The following ASPM variants were observed in gnomAD, a reference collection of about 807,000 sequenced individuals.
The protein encoded by ASPM is abnormal spindle-like microcephaly-associated protein.
ASPM carries 256 observed loss-of-function variants against 366.4 expected under a neutral mutation model. The ratio of observed to expected loss-of-function variants is 0.70; its 90% CI spans 0.63 to 0.77. ASPM has a LOEUF of 0.77. Ranked by LOEUF, ASPM falls within the 30% of genes least tolerant of loss-of-function variation. The probability of loss-of-function intolerance (pLI) is 0.00; values close to 1 mark genes in which losing one functional copy is unlikely to be tolerated. For missense variants in ASPM, 4,146 were observed against 4,090.4 expected (o/e 1.01, Z -0.37); for synonymous variants, 1,414 against 1,342.9 (o/e 1.05, Z -1.16).
chr1:197,139,001 C>T (rs751343219), intron 4 of ASPM: 6 of 723,756 alleles, frequency 8.3e-6, no homozygotes, highest in Non-Finnish European at 1.5e-5. Flanking sequence ...TGACATTGAT[C>T]ATAGCACTCT....
At chr1:197,112,504 C>A (rs773609713) in intron 17 of ASPM, among the ~76,000 whole-genome samples, 2 of 152,020 alleles carry the variant, frequency 1.3e-5, no homozygotes, top group Non-Finnish European at 2.9e-5. Flanking sequence ...TATATTGGGC[C>A]CCCCAAATCA....
At chr1:197,131,441 T>C (rs993568775) in intron 7 of ASPM, among the ~76,000 whole-genome samples, 21 of 152,248 alleles carry the variant, frequency 1.4e-4, no homozygotes, top group African/African-American at 5.1e-4. Context: ...TTCTAGGTAT[T>C]ACAGAGCCAA....
rs1658036732 is a variant in ASPM at position 197,124,905 on chromosome 1, G to C, written c.3133C>G (p.Leu1045Val). ...AACGCTATTTTCCAAAGCAACCTGA[G>C]AGTTTTTTCTCTGTGCCTATCCACA... ...DIVDRHREKTLRLLWKIAFAF... is the reference protein window; with the variant it reads ...DIVDRHREKTVRLLWKIAFAF... The change falls in exon 12 of 28, where the codon CTC becomes GTC. Residue 1045 changes from leucine (L) to valine (V), a missense_variant. Leu to Val is a conservative substitution (Grantham distance 32, BLOSUM62 1). Transcript: ENST00000367409. 2 of 1,611,232 alleles carry C rather than the reference G, an allele frequency of 1.2e-6. No individual in the cohort carries two copies. The highest frequency in any genetic ancestry group is 2.7e-5 in the African/African-American group (2 of 74,838).
chr1:197,131,745 G>C (rs1023005152), intron 7 of ASPM, among the ~76,000 whole-genome samples: 1 of 151,796 alleles, frequency 6.6e-6, no homozygotes, highest in Non-Finnish European at 1.5e-5. Flanking sequence ...ATTTTTAGTA[G>C]AGATAGGGTT....
chr1:197,102,793 T>G lies in ASPM; in HGVS notation c.6458A>C (p.Tyr2153Ser). Residue 2153 changes from tyrosine (Y) to serine (S), a missense_variant, in exon 18 of 28, where the codon TAT becomes TCT. Coordinates refer to ENST00000367409, the MANE Select transcript of ASPM (RefSeq NM_018136.5). ...AIVIQVRCRA[Y>S]YQGKMQREKY... ...TTCACGCTGCATTTTACCTTGATAA[T>G]ATGCTCTACATCTTACTTGAATAAC... 1 of 1,612,402 alleles carries G rather than the reference T, an allele frequency of 6.2e-7. No homozygotes were observed. The highest frequency in any genetic ancestry group is 8.5e-7 in the Non-Finnish European group (1 of 1,179,170).
intron 4 of ASPM, among the ~76,000 whole-genome samples, chr1:197,136,474 T>C (rs1435030115): frequency 2.0e-5 from 3 of 152,148 alleles, no homozygotes; most frequent in Non-Finnish European, 4.4e-5. Flanking sequence ...AATAAAGATA[T>C]AATCTGTGAC....
chr1:197,095,181 T>C (rs1358617762), intron 19 of ASPM, among the ~76,000 whole-genome samples: 1 of 151,752 alleles, frequency 6.6e-6, no homozygotes, highest in East Asian at 1.9e-4. Flanking sequence ...TACTAAACAG[T>C]AAATCTTATT....
Position 197,143,718 on chromosome 1 carries a change from T to C in ASPM, c.534A>G (p.Thr178=), listed in dbSNP as rs1177955148. ...TGTCAACTTTTTGGGAAACACTAAA[T>C]GTTTTATTAACATTCTGAATATTTG... The part of the protein sequence containing the change: ...RVSNIQNVNK[T]FSVSQKVDRV... Residue 178 remains threonine (T), a synonymous_variant, in exon 3 of 28, where the codon ACA becomes ACG. Coordinates refer to ENST00000367409, the MANE Select transcript of ASPM (RefSeq NM_018136.5). 1.2e-6 allele frequency: 2 copies of C among 1,613,894 alleles called. No individual in the cohort carries two copies. The highest frequency in any genetic ancestry group is 8.5e-7 in the Non-Finnish European group (1 of 1,179,878).
chr1:197,133,709 A>C lies in ASPM; in HGVS notation c.2174-114T>G, dbSNP rs4915345. 1,081,599 of 1,217,602 alleles carry C rather than the reference A, an allele frequency of 0.89. 485,244 individuals are homozygous for C. Among genetic ancestry groups the C allele is most frequent in the East Asian group, 1 (39,504 of 39,514 alleles). 75.4% of individuals were successfully genotyped at this position (1,217,602 alleles called of 1,614,324 possible). A position where few individuals can be genotyped will look rare whatever the true frequency, so the allele number is the denominator to read the frequency against. On this transcript the variant is annotated intron_variant, in intron 5 of 27. Transcript: ENST00000367409. Reference sequence around the variant, plus strand: ...TAAAAACATAATCTATTCCTCACCCACTCCAAGCTTACTCCTTAGGCCAAT... The same window carrying C: ...TAAAAACATAATCTATTCCTCACCCCCTCCAAGCTTACTCCTTAGGCCAAT...
intron 17 of ASPM, among the ~76,000 whole-genome samples, chr1:197,110,172 T>C (rs1464209894): frequency 2.0e-5 from 3 of 152,108 alleles, no homozygotes; most frequent in Admixed American, 6.6e-5. Flanking sequence ...CATTAAGGCT[T>C]ACTATAAAGC....
At chr1:197,092,346 G>A (rs1656812867) in intron 21 of ASPM, among the ~76,000 whole-genome samples, 1 of 151,644 alleles carries the variant, frequency 6.6e-6, no homozygotes, top group African/African-American at 2.4e-5. Context: ...TTAGAGAAGG[G>A]TATAAATATT....
Position 197,104,909 on chromosome 1 carries a change from T to C in ASPM, c.4342A>G (p.Ile1448Val), listed in dbSNP as rs764193681. Residue 1448 changes from isoleucine to valine, a missense_variant, in exon 18 of 28, where the codon ATA becomes GTA. Physicochemically the swap from Ile to Val is conservative, Grantham distance 29 (BLOSUM62 3). This residue lies in a region of ASPM where 3,624 missense variants were observed against 3,591.7 expected (regional missense o/e 1.01). Coordinates refer to ENST00000367409, the MANE Select transcript of ASPM (RefSeq NM_018136.5). The part of the protein sequence containing the change: ...KMQSQVKATV[I>V]LQRAFREWHL... ...CATTCTCTAAAAGCTCTTTGCAATA[T>C]TACTGTAGCTTTTACTTGTGATTGC... 2 of 1,611,820 alleles carry C rather than the reference T, an allele frequency of 1.2e-6. No individual in the cohort carries two copies. Among genetic ancestry groups the C allele is most frequent in the Non-Finnish European group, 8.5e-7 (1 of 1,179,094 alleles).
rs180730075 is a variant in ASPM at position 197,137,584 on chromosome 1, G to A, written c.2026+2183C>T. On this transcript the variant is annotated intron_variant, in intron 4 of 27. Transcript: ENST00000367409. ...GCACCTCTGCCTCCTGGGTATAAGC[G>A]ACTCTCCCGCCTCAGCCTTTCGAGT... 3.4e-3 allele frequency among the ~76,000 whole-genome samples: 520 copies of A among 152,200 alleles called. 5 individuals are homozygous for A. Among genetic ancestry groups the A allele is most frequent in the Admixed American group, 0.017 (265 of 15,292 alleles).
chr1:197,133,239 A>G (rs1658316549), intron 6 of ASPM, 111 bp downstream of exon 6: 2 of 1,134,954 alleles, frequency 1.8e-6, no homozygotes, highest in South Asian at 3.2e-5. Context: ...TACCTTAAAT[A>G]TATGCCAGTT....
In ASPM at chr1:197,129,979, T is replaced by A. The variant is rs778242395; in HGVS notation, c.2565A>T (p.Leu855=). Residue 855 remains leucine (L), a synonymous_variant, in exon 8 of 28, where the codon CTA becomes CTT. Coordinates refer to ENST00000367409, the MANE Select transcript of ASPM (RefSeq NM_018136.5). ...CAGCTGCTATATCAGGATTCCAAAG[T>A]AGGCGATTCAGAATAAACATAGCCA... ...TGLAMFILNR[L]LWNPDIAAEY... is the part of the protein sequence containing the mutation. 1 of 1,613,830 alleles carries A rather than the reference T, an allele frequency of 6.2e-7. No homozygotes were observed. The highest frequency in any genetic ancestry group is 8.5e-7 in the Non-Finnish European group (1 of 1,179,892).
intron 17 of ASPM, among the ~76,000 whole-genome samples, chr1:197,110,842 A>C (rs558686763): frequency 2.6e-5 from 4 of 152,142 alleles, no homozygotes; most frequent in South Asian, 4.1e-4. Context: ...AGTTGACAAT[A>C]ACAAACAATG....
intron 3 of ASPM, among the ~76,000 whole-genome samples, chr1:197,140,920 C>T (rs1425380046): frequency 1.3e-5 from 2 of 152,054 alleles, no homozygotes; most frequent in Non-Finnish European, 2.9e-5. Flanking sequence ...GGCTGATTCC[C>T]AAATATGTAA....
chr1:197,116,768 C>T (rs1657749505), intron 17 of ASPM, among the ~76,000 whole-genome samples: 1 of 152,078 alleles, frequency 6.6e-6, no homozygotes, highest in South Asian at 2.1e-4. Context: ...ATACTCAACG[C>T]TGATAAATCT....
chr1:197,129,869 T>C, intron 8 of ASPM, 46 bp downstream of exon 8: 1 of 1,586,120 alleles, frequency 6.3e-7, no homozygotes. Flanking sequence ...CAATAAGCCA[T>C]TCATGTATAA....
Sources: allele counts gnomAD v4.1 joint callset (sites outside exome capture counted in the v4.1 genomes callset), GRCh38; gene constraint gnomAD v4.1.1; regional missense constraint gnomAD v4.1.1; transcripts MANE v1.5; gene names NCBI Gene and HGNC (gene_info 2026-07-23, HGNC 2026-07-21).